AATF: variants seen among roughly 807,000 people sequenced by gnomAD.
The protein encoded by AATF is apoptosis antagonizing transcription factor, also known as protein AATF.
A neutral mutation model predicts 63.7 loss-of-function variants in AATF; 48 were observed. The ratio of observed to expected loss-of-function variants is 0.75; its 90% confidence interval spans 0.60 to 0.96. AATF has a LOEUF of 0.96. AATF is among the 40% of genes least tolerant of loss of function. The pLI is 0.00. For synonymous variants in AATF, 258 were observed against 247.7 expected (o/e 1.04, Z -0.39); for missense variants, 639 against 685.7 (o/e 0.93, Z 0.76).
chr17:36,956,918 G>A (rs1183731626), intron 4 of AATF, among the ~76,000 whole-genome samples: 2 of 152,070 alleles, frequency 1.3e-5, no homozygotes, highest in African/African-American at 2.4e-5. Flanking sequence ...AAAGGTTGTA[G>A]TGAGCTGAGA....
chr17:36,950,992 C>T (rs2070850690), intron 2 of AATF, among the ~76,000 whole-genome samples: 1 of 152,156 alleles, frequency 6.6e-6, no homozygotes, highest in East Asian at 1.9e-4. Flanking sequence ...TGCATTGAAG[C>T]ACTGTGTGAT....
chr17:37,014,738 A>G (rs1332437660), intron 8 of AATF, among the ~76,000 whole-genome samples: 1 of 152,160 alleles, frequency 6.6e-6, no homozygotes, highest in African/African-American at 2.4e-5. Context: ...ATTTTCTCCC[A>G]GCCTTTGTTA....
chr17:37,036,276 G>A (rs1447714342), intron 11 of AATF, among the ~76,000 whole-genome samples: 1 of 152,160 alleles, frequency 6.6e-6, no homozygotes, highest in Non-Finnish European at 1.5e-5. Flanking sequence ...TTAATCCTCA[G>A]TGGTTTTGGT....
intron 4 of AATF, among the ~76,000 whole-genome samples, chr17:36,958,955 A>AC (rs1184698119): frequency 6.8e-6 from 1 of 147,016 alleles, no homozygotes; most frequent in Non-Finnish European, 1.5e-5. Flanking sequence ...GGCCAACCTG[A>AC]CCAACATTAT....
At chr17:36,954,204 C>A (rs2142203368) in intron 4 of AATF, among the ~76,000 whole-genome samples, 1 of 151,810 alleles carries the variant, frequency 6.6e-6, no homozygotes, top group East Asian at 1.9e-4. Context: ...CCCACCTTAG[C>A]CTTCCGAGTA....
chr17:37,056,708 G>A lies in AATF; in HGVS notation c.*44G>A. ...CCCAGTGGGCGCCTTGGCTGGTGCGGCTGCTGGTCCAGATGGAGGAAACCA... is the reference window on the plus strand; with the variant it reads ...CCCAGTGGGCGCCTTGGCTGGTGCGACTGCTGGTCCAGATGGAGGAAACCA... On this transcript the variant is annotated 3_prime_UTR_variant, in exon 12 of 12. Transcript: ENST00000619387. 6.3e-7 allele frequency: 1 copy of A among 1,599,740 alleles called. No homozygotes were observed. The highest frequency in any genetic ancestry group is 8.6e-7 in the Non-Finnish European group (1 of 1,167,384).
chr17:36,982,974 C>A (rs192195197), intron 4 of AATF, among the ~76,000 whole-genome samples: 188 of 152,214 alleles, frequency 1.2e-3, no homozygotes, highest in Non-Finnish European at 1.6e-4. Flanking sequence ...TGGCTTATTT[C>A]ACTTAGCCTA....
At chr17:36,983,857 A>G (rs747516128) in intron 4 of AATF, among the ~76,000 whole-genome samples, 2 of 152,228 alleles carry the variant, frequency 1.3e-5, no homozygotes, top group Non-Finnish European at 2.9e-5. Context: ...TTTGATATGC[A>G]GATTATTTGA....
At chr17:36,990,997 C>T (rs2142251658) in intron 8 of AATF, 140 bp downstream of exon 8, 2 of 528,208 alleles carry the variant, frequency 3.8e-6, no homozygotes. Flanking sequence ...TCAAAATTGA[C>T]TTACAGTGTC....
At chr17:36,964,810 T>G (rs752337534) in intron 4 of AATF, among the ~76,000 whole-genome samples, 3 of 151,294 alleles carry the variant, frequency 2.0e-5, no homozygotes, top group Non-Finnish European at 2.9e-5. Flanking sequence ...TTCCTAAACT[T>G]TACATCATGC....
intron 11 of AATF, among the ~76,000 whole-genome samples, chr17:37,041,644 T>C (rs1196502212): frequency 6.6e-6 from 1 of 152,204 alleles, no homozygotes; most frequent in Non-Finnish European, 1.5e-5. Context: ...TAGATGGGAC[T>C]ACAGGCGTGT....
chr17:36,960,227 C>A (rs981526009), intron 4 of AATF, among the ~76,000 whole-genome samples: 1 of 152,140 alleles, frequency 6.6e-6, no homozygotes, highest in South Asian at 2.1e-4. Flanking sequence ...TTGGCCAGGC[C>A]GGTCTTGAAC....
At chr17:36,977,353 C>T (rs2071086933) in intron 4 of AATF, among the ~76,000 whole-genome samples, 1 of 152,138 alleles carries the variant, frequency 6.6e-6, no homozygotes, top group African/African-American at 2.4e-5. Context: ...ATTAATTCTG[C>T]ATGGAATCCC....
intron 4 of AATF, among the ~76,000 whole-genome samples, chr17:36,961,035 G>GCA (rs148947304): frequency 1.7e-4 from 26 of 151,424 alleles, no homozygotes; most frequent in Non-Finnish European, 3.5e-4. Context: ...CTTTTCGCGT[G>GCA]CACACACACA....
Position 36,950,203 on chromosome 17 carries a change from T to TC in AATF, c.92-6dup. On this transcript the variant is annotated splice_polypyrimidine_tract_variant and intron_variant, in intron 1 of 11. Transcript: ENST00000619387. ...TGGAGATTCTGTTTACTTTTCCCTC[T>TC]CCCCCGACAGCCACTGCTGCCAGGG... 6.2e-7 allele frequency: 1 copy of TC among 1,609,876 alleles called. No individual in the cohort carries two copies. Among genetic ancestry groups the TC allele is most frequent in the Non-Finnish European group, 8.5e-7 (1 of 1,176,650 alleles).
At chr17:36,977,391 C>T (rs1597708613) in intron 4 of AATF, among the ~76,000 whole-genome samples, 1 of 152,110 alleles carries the variant, frequency 6.6e-6, no homozygotes, top group Middle Eastern at 3.4e-3. Flanking sequence ...TTCTGAATCT[C>T]CATTTTCATC....
chr17:36,984,466 C>T (rs1196916651), intron 4 of AATF, among the ~76,000 whole-genome samples: 3 of 152,112 alleles, frequency 2.0e-5, no homozygotes, highest in African/African-American at 7.2e-5. Flanking sequence ...ATGGAACAAC[C>T]ACATGAAGAT....
chr17:36,953,028 C>G lies in AATF; in HGVS notation c.426C>G (p.His142Gln), dbSNP rs1357491487. 5 of 1,614,108 alleles carry G rather than the reference C, an allele frequency of 3.1e-6. No individual in the cohort carries two copies. In the South Asian group the frequency reaches 5.5e-5, roughly 18 times the overall value. Reference protein sequence around the residue: ...DHRESKKSRSHSAKTPGFSVQ... With the variant: ...DHRESKKSRSQSAKTPGFSVQ... Reference sequence around the variant, plus strand: ...GGGAGAGCAAGAAGAGCAGAAGCCACTCTGCAAAAACACCGGGCTTCAGTG... The same window carrying G: ...GGGAGAGCAAGAAGAGCAGAAGCCAGTCTGCAAAAACACCGGGCTTCAGTG... The change falls in exon 3 of 12, where the codon CAC (histidine) becomes CAG (glutamine). Residue 142 changes from histidine (H) to glutamine (Q), a missense_variant. Physicochemically the swap from His to Gln is conservative, Grantham distance 24. Coordinates refer to ENST00000619387, the MANE Select transcript of AATF (RefSeq NM_012138.4).
At chr17:37,034,632 G>A (rs1332713836) in intron 11 of AATF, 1 of 151,842 alleles carries the variant, frequency 6.6e-6, no homozygotes, top group Non-Finnish European at 1.5e-5. Context: ...AAACTAAAAG[G>A]TAAAATATTA....
Sources: allele counts gnomAD v4.1 joint callset (sites outside exome capture counted in the v4.1 genomes callset), GRCh38; gene constraint gnomAD v4.1.1; transcripts MANE v1.5; gene names NCBI Gene and HGNC (gene_info 2026-07-23, HGNC 2026-07-21).